KIF1B: variants seen among roughly 807,000 people sequenced by gnomAD.
KIF1B encodes the protein kinesin family member 1B.
In KIF1B, 76 loss-of-function variants were observed where a neutral mutation model predicts 241.9. The ratio of observed to expected loss-of-function variants is 0.31; its 90% CI spans 0.26 to 0.38. The LOEUF (loss-of-function observed/expected upper bound fraction) is 0.38, where lower values mean the gene tolerates loss of function less well. Ranked by LOEUF, KIF1B falls within the 10% of genes least tolerant of loss-of-function variation. The pLI is 1.00. For missense variants in KIF1B, 1,622 were observed against 2,271.4 expected, an observed-to-expected ratio of 0.71 and a Z score of 5.81; for synonymous variants, 750 against 796.7, an observed-to-expected ratio of 0.94 and a Z score of 0.99.
At chr1:10,321,318 G>A (rs2102295728) in intron 23 of KIF1B, among the ~76,000 whole-genome samples, 1 of 152,152 alleles carries the variant, frequency 6.6e-6, no homozygotes, top group African/African-American at 2.4e-5. Flanking sequence ...TGGCCAGGCT[G>A]GCCTCAAACC....
chr1:10,306,713 A>AT, intron 22 of KIF1B: 1 of 873,902 alleles, frequency 1.1e-6, no homozygotes, highest in Non-Finnish European at 1.4e-6. Flanking sequence ...GCCTATGAAT[A>AT]GCCAGTGCAC....
intron 34 of KIF1B, among the ~76,000 whole-genome samples, chr1:10,345,215 T>C (rs1313669404): frequency 6.6e-6 from 1 of 152,198 alleles, no homozygotes; most frequent in Non-Finnish European, 1.5e-5. Context: ...CATAAGATCA[T>C]TTACAGAATC....
chr1:10,356,963 T>C (rs576064932), intron 38 of KIF1B, among the ~76,000 whole-genome samples: 1 of 152,252 alleles, frequency 6.6e-6, no homozygotes, highest in East Asian at 1.9e-4. Context: ...CACTGCAACC[T>C]TGAATTCCTG....
chr1:10,370,944 T>C (rs186395625), intron 44 of KIF1B, among the ~76,000 whole-genome samples, 197 bp from the exon 45 acceptor site: 19 of 152,252 alleles, frequency 1.2e-4, no homozygotes, highest in Admixed American at 1.0e-3. Context: ...GCCTGGGCAA[T>C]AGAGCAAGGC....
intron 4 of KIF1B, among the ~76,000 whole-genome samples, chr1:10,259,505 ATT>A (rs869146825): frequency 3.3e-5 from 4 of 121,544 alleles, no homozygotes; most frequent in Non-Finnish European, 1.7e-5. Flanking sequence ...AAAAAAAAAA[ATT>A]TTTTTTTTTT....
intron 1 of KIF1B, among the ~76,000 whole-genome samples, chr1:10,223,634 C>T (rs983239900): frequency 2.7e-5 from 4 of 150,730 alleles, no homozygotes; most frequent in Non-Finnish European, 5.9e-5. Flanking sequence ...GCAACCTCTG[C>T]CTCCCGGGTT....
chr1:10,234,250 C>T (rs1647019705), intron 2 of KIF1B, among the ~76,000 whole-genome samples: 1 of 151,988 alleles, frequency 6.6e-6, no homozygotes, highest in Non-Finnish European at 1.5e-5. Flanking sequence ...CTCTGTCATC[C>T]AGGCTGGAGT....
In KIF1B at chr1:10,376,703, T is replaced by A; in HGVS notation, c.*116T>A. 1 of 1,031,104 alleles carries A rather than the reference T, an allele frequency of 9.7e-7. No individual in the cohort carries two copies. The highest frequency in any genetic ancestry group is 1.5e-6 in the Non-Finnish European group (1 of 656,702). 63.9% of individuals were successfully genotyped at this position (1,031,104 alleles called of 1,614,324 possible). Reference sequence around the variant, plus strand: ...TATGTAATCCTGTGGCTTAACTACTTCTCCCTCCTTGTCCAGCACTTTTCT... The same window carrying A: ...TATGTAATCCTGTGGCTTAACTACTACTCCCTCCTTGTCCAGCACTTTTCT... On this transcript the variant is annotated 3_prime_UTR_variant, in exon 49 of 49. Coordinates refer to ENST00000676179, the MANE Select transcript of KIF1B (RefSeq NM_001365951.3).
intron 4 of KIF1B, among the ~76,000 whole-genome samples, chr1:10,260,094 T>C (rs1240712733): frequency 1.3e-5 from 2 of 152,180 alleles, no homozygotes; most frequent in African/African-American, 2.4e-5. Context: ...ACAGATATCA[T>C]AGAGTGTACT....
intron 38 of KIF1B, among the ~76,000 whole-genome samples, chr1:10,356,453 A>C (rs1020950740): frequency 6.6e-6 from 1 of 152,204 alleles, no homozygotes; most frequent in South Asian, 2.1e-4. Flanking sequence ...CATTCAGTTT[A>C]CATTTCAGAG....
intron 27 of KIF1B, among the ~76,000 whole-genome samples, chr1:10,327,646 A>T (rs4333852): frequency 0.36 from 54,307 of 151,998 alleles, 9,846 homozygotes; most frequent in Admixed American, 0.39. Context: ...TATGCACATG[A>T]TCCTAATACT....
At chr1:10,332,640 C>T (rs1428105924) in intron 27 of KIF1B, among the ~76,000 whole-genome samples, 13 of 147,564 alleles carry the variant, frequency 8.8e-5, no homozygotes, top group African/African-American at 2.0e-4. Context: ...CTCAGCCTCC[C>T]GAGTAGCTGG....
chr1:10,363,381 T>C, intron 41 of KIF1B, 37 bp downstream of exon 41: 3 of 1,523,986 alleles, frequency 2.0e-6, no homozygotes, highest in Non-Finnish European at 2.7e-6. Context: ...ATAGTTATCT[T>C]TGTGTATGTT....
chr1:10,347,581 A>G (rs1211043650), intron 35 of KIF1B, among the ~76,000 whole-genome samples, 180 bp from the exon 36 acceptor site: 1 of 152,218 alleles, frequency 6.6e-6, no homozygotes, highest in Non-Finnish European at 1.5e-5. Context: ...ACTCAAGTCT[A>G]GAGAGGATTG....
chr1:10,249,731 G>A (rs1226268690), intron 2 of KIF1B, among the ~76,000 whole-genome samples: 1 of 152,114 alleles, frequency 6.6e-6, no homozygotes, highest in Non-Finnish European at 1.5e-5. Context: ...GGGAGACCCT[G>A]TCTCTACAAA....
At chr1:10,345,802 A>C (rs1652566472) in intron 34 of KIF1B, 43 bp from the exon 35 acceptor site, 3 of 1,399,846 alleles carry the variant, frequency 2.1e-6, no homozygotes, top group Non-Finnish European at 3.0e-6. Flanking sequence ...TTTGCTGAGT[A>C]GTCTTGGACC....
At position 10,378,538 on chromosome 1, in the gene KIF1B, G is replaced by A; in HGVS notation, c.*1951G>A. 1 of 684,330 alleles carries A rather than the reference G, an allele frequency of 1.5e-6. No homozygotes were observed. Among genetic ancestry groups the A allele is most frequent in the African/African-American group, 1.8e-5 (1 of 56,576 alleles). The allele number at this position is 684,330 out of a possible 1,614,324, so 42.4% of individuals were successfully genotyped here. A position where few individuals can be genotyped will look rare whatever the true frequency, so the allele number is the denominator to read the frequency against. ...TGTTTCACCATTGCTCAGGCATTCA[G>A]GAAAGTATCTGCTCACTCCCACTTG... is the stretch of plus-strand genomic sequence containing the variant. On this transcript the variant is annotated 3_prime_UTR_variant, in exon 49 of 49. Transcript: ENST00000676179.
intron 37 of KIF1B, 63 bp downstream of exon 37, chr1:10,348,796 GAT>G: frequency 8.6e-7 from 1 of 1,162,476 alleles, no homozygotes; most frequent in East Asian, 2.4e-5. Flanking sequence ...TTTTTTTTGA[GAT>G]AGGGTCTTGC....
rs1652244099 is a variant in KIF1B at position 10,337,970 on chromosome 1, C to A, written c.3422+437C>A. Among the ~76,000 whole-genome samples the A allele has an allele frequency of 6.6e-6, 1 of 152,178 alleles. No individual in the cohort carries two copies. Among genetic ancestry groups the A allele is most frequent in the South Asian group, 2.1e-4 (1 of 4,828 alleles). On this transcript the variant is annotated intron_variant, in intron 31 of 48. Transcript: ENST00000676179. The surrounding 1 kb of genome is among the most constrained non-coding windows in gnomAD (Gnocchi z 4.0). Reference sequence around the variant, plus strand: ...TAAAGAAGGATAAATTCTACATCAACTGAAAAAAGCTAGTATGTAGGGAAG... The same window carrying A: ...TAAAGAAGGATAAATTCTACATCAAATGAAAAAAGCTAGTATGTAGGGAAG...
Sources: gnomAD v4.1 joint callset for allele counts (sites outside exome capture counted in the v4.1 genomes callset) on GRCh38, gnomAD v4.1.1 for gene constraint, Gnocchi (gnomAD v3.1) non-coding constraint, MANE v1.5 for transcripts, NCBI Gene and HGNC (gene_info 2026-07-23, HGNC 2026-07-21) for gene names.